The following VTCN1 variants were observed in gnomAD, a reference collection of about 807,000 sequenced individuals.
The protein encoded by VTCN1 is V-set domain-containing T-cell activation inhibitor 1.
In VTCN1, 26 loss-of-function variants were observed where a neutral mutation model predicts 26.5. The observed-to-expected ratio is 0.98, with a 90% CI of 0.72 to 1.36. The LOEUF is 1.36. VTCN1 is among the 40% of genes most tolerant of loss of function. The pLI, the probability that VTCN1 is intolerant of heterozygous loss-of-function variation, is 0.00. For missense variants in VTCN1, 298 were observed against 337.7 expected, an observed-to-expected ratio of 0.88 and a Z score of 0.92; for synonymous variants, 116 against 130.7, an observed-to-expected ratio of 0.89 and a Z score of 0.77.
Position 117,164,342 on chromosome 1 carries a change from C to T in VTCN1, c.97+5765G>A, listed in dbSNP as rs371170580. 1.1e-4 allele frequency among the ~76,000 whole-genome samples: 16 copies of T among 151,936 alleles called. No homozygotes were observed. The South Asian group carries it at 3.3e-3, about 32-fold the overall frequency. ...TCATTCTTTGGTCTTTCAACAGCTTCCCAGTTCTGGCAGGGGGGTGGGGTT... is the reference window on the plus strand; with the variant it reads ...TCATTCTTTGGTCTTTCAACAGCTTTCCAGTTCTGGCAGGGGGGTGGGGTT... On this transcript the variant is annotated intron_variant, in intron 2 of 5. Coordinates refer to ENST00000369458, the MANE Select transcript of VTCN1 (RefSeq NM_024626.4).
At chr1:117,177,082 G>A (rs1157057867) in intron 1 of VTCN1, among the ~76,000 whole-genome samples, 2 of 152,102 alleles carry the variant, frequency 1.3e-5, no homozygotes, top group Non-Finnish European at 2.9e-5. Context: ...CTGGGCAACA[G>A]AGCAAGACTC....
intron 1 of VTCN1, chr1:117,173,063 C>T (rs776273782): frequency 5.5e-5 from 38 of 686,644 alleles, no homozygotes; most frequent in African/African-American, 8.9e-5. Context: ...TGAGCTGTAA[C>T]ACTTACCGTG....
In VTCN1 at chr1:117,161,261, A is replaced by C. The variant is rs1652353354; in HGVS notation, c.98-4340T>G. ...CATCCCAGGCTAGCATGGGTTACAC[A>C]ATTACACTATGCGCCTTCACACTGC... On this transcript the variant is annotated intron_variant, in intron 2 of 5. Coordinates refer to ENST00000369458, the MANE Select transcript of VTCN1 (RefSeq NM_024626.4). The surrounding 1 kb of genome is among the most constrained non-coding windows in gnomAD (Gnocchi z 4.3). Among the ~76,000 whole-genome samples the C allele has an allele frequency of 6.6e-6, 1 of 152,194 alleles. No homozygotes were observed. The highest frequency in any genetic ancestry group is 6.5e-5 in the Admixed American group (1 of 15,286).
chr1:117,195,338 G>T (rs1648457306), intron 1 of VTCN1, among the ~76,000 whole-genome samples: 1 of 151,298 alleles, frequency 6.6e-6, no homozygotes, highest in African/African-American at 2.4e-5. Flanking sequence ...AACAGAGCAG[G>T]TCTTAAGTGT....
At chr1:117,152,549 T>C (rs1450581355) in intron 4 of VTCN1, among the ~76,000 whole-genome samples, 1 of 152,144 alleles carries the variant, frequency 6.6e-6, no homozygotes, top group Non-Finnish European at 1.5e-5. Flanking sequence ...GGGAGACCAG[T>C]TCCATCTAGG....
chr1:117,184,664 T>C (rs745662055), intron 1 of VTCN1, among the ~76,000 whole-genome samples: 21 of 152,174 alleles, frequency 1.4e-4, no homozygotes, highest in Non-Finnish European at 2.6e-4. Context: ...CTTTCTTCAC[T>C]TGGTGCCCTT....
At chr1:117,190,594 C>A (rs77482303) in intron 1 of VTCN1, among the ~76,000 whole-genome samples, 2,132 of 152,318 alleles carry the variant, frequency 0.014, 53 homozygotes, top group African/African-American at 0.049. Context: ...ATCAGCCCTA[C>A]TGACCAAAAT....
chr1:117,196,327 G>A (rs1648504386), intron 1 of VTCN1, among the ~76,000 whole-genome samples: 9 of 150,556 alleles, frequency 6.0e-5, no homozygotes, highest in Admixed American at 6.0e-4. Context: ...ATACTTATAA[G>A]ACCAATAAGT....
At position 117,193,371 on chromosome 1, in the gene VTCN1, C is replaced by T. The variant is rs545176307; in HGVS notation, c.32+17453G>A. ...CTGTCTACAAGAAATTCATTTTACC[C>T]TTAGGACACAGAATGAAAGTGAAGA... On this transcript the variant is annotated intron_variant, in intron 1 of 5. Coordinates refer to ENST00000369458, the MANE Select transcript of VTCN1 (RefSeq NM_024626.4). Among the ~76,000 whole-genome samples, 11 of 152,196 alleles carry T rather than the reference C, an allele frequency of 7.2e-5. No individual in the cohort carries two copies. The South Asian group carries it at 2.3e-3, about 32-fold the overall frequency.
chr1:117,171,044 CTTCCTGTA>C (rs1347719066), intron 1 of VTCN1, among the ~76,000 whole-genome samples: 1 of 151,688 alleles, frequency 6.6e-6, no homozygotes, highest in Admixed American at 6.6e-5. Context: ...TGATGTTCCC[CTTCCTGTA>C]TCCATGTGTT....
chr1:117,177,550 C>G (rs920340870), intron 1 of VTCN1, among the ~76,000 whole-genome samples: 1 of 152,176 alleles, frequency 6.6e-6, no homozygotes, highest in African/African-American at 2.4e-5. Context: ...TGGGCAGCCC[C>G]TGCTCCATCA....
At chr1:117,156,152 C>T (rs972830272) in intron 3 of VTCN1, among the ~76,000 whole-genome samples, 8 of 152,144 alleles carry the variant, frequency 5.3e-5, no homozygotes, top group Admixed American at 2.0e-4. Flanking sequence ...ATGTTGTTTT[C>T]GTTTTGGTTA....
Position 117,146,143 on chromosome 1 carries a change from A to G in VTCN1, c.*46-918T>C, listed in dbSNP as rs756790358. Among the ~76,000 whole-genome samples, 5 of 152,182 alleles carry G rather than the reference A, an allele frequency of 3.3e-5. No homozygotes were observed. Among genetic ancestry groups the G allele is most frequent in the Non-Finnish European group, 5.9e-5 (4 of 68,044 alleles). ...AATACAAGGTAAAGATGAGTCAGCT[A>G]TGTTATATAGGACATATTATTTAGT... On this transcript the variant is annotated intron_variant, in intron 5 of 5. Transcript: ENST00000369458. This position sits in a 1 kb window ranked among gnomAD's most constrained non-coding sequence, Gnocchi z 4.2.
intron 1 of VTCN1, among the ~76,000 whole-genome samples, chr1:117,180,214 C>CA (rs59215524): frequency 0.055 from 8,419 of 152,222 alleles, 734 homozygotes; most frequent in African/African-American, 0.19. Context: ...AACAAATAGA[C>CA]ACCTTTCCTT....
At chr1:117,154,972 T>A (rs1651995095) in intron 3 of VTCN1, among the ~76,000 whole-genome samples, 7 of 152,166 alleles carry the variant, frequency 4.6e-5, no homozygotes, top group Admixed American at 4.6e-4. Flanking sequence ...GTTGCTTGAG[T>A]TTCTTCTAGT....
At chr1:117,196,937 C>T (rs927331899) in intron 1 of VTCN1, among the ~76,000 whole-genome samples, 1 of 152,296 alleles carries the variant, frequency 6.6e-6, no homozygotes, top group South Asian at 2.1e-4. Flanking sequence ...AGAATACTTC[C>T]TTCACAGTTT....
chr1:117,149,112 C>T (rs1313523691), intron 4 of VTCN1, among the ~76,000 whole-genome samples: 1 of 152,126 alleles, frequency 6.6e-6, no homozygotes, highest in African/African-American at 2.4e-5. Context: ...GTGGGGATCC[C>T]TTCTCATAAA....
intron 2 of VTCN1, 193 bp from the exon 3 acceptor site, chr1:117,157,114 T>TATATATATAC (rs1652127069): frequency 1.7e-6 from 1 of 596,068 alleles, no homozygotes; most frequent in Non-Finnish European, 2.5e-6. Context: ...TATATATATA[T>TATATATATAC]AGCAGATCTG....
chr1:117,156,478 C>T (rs970194628), intron 3 of VTCN1, 96 bp downstream of exon 3: 1 of 1,295,538 alleles, frequency 7.7e-7, no homozygotes, highest in African/African-American at 1.5e-5. Context: ...GCATCATTGT[C>T]TGATATTGGT....
Sources: gnomAD v4.1 joint callset for allele counts (sites outside exome capture counted in the v4.1 genomes callset) on GRCh38, gnomAD v4.1.1 for gene constraint, Gnocchi (gnomAD v3.1) non-coding constraint, MANE v1.5 for transcripts, NCBI Gene and HGNC (gene_info 2026-07-23, HGNC 2026-07-21) for gene names.